ZFR: variants seen among roughly 807,000 people sequenced by gnomAD.
ZFR encodes the protein zinc finger RNA binding protein.
Under a neutral mutation model 130.7 loss-of-function variants are expected in ZFR, and 19 were observed. The observed-to-expected ratio is 0.15, with a 90% confidence interval of 0.10 to 0.21. The LOEUF is 0.21. ZFR is among the 10% of genes least tolerant of loss of function. ZFR has a pLI of 1.00. For synonymous variants in ZFR, 466 were observed against 456.9 expected, an observed-to-expected ratio of 1.02 and a Z score of -0.25; for missense variants, 872 against 1,321.5, an observed-to-expected ratio of 0.66 and a Z score of 5.27.
intron 9 of ZFR, among the ~76,000 whole-genome samples, chr5:32,398,659 A>G (rs960651164): frequency 6.6e-6 from 1 of 152,184 alleles, no homozygotes; most frequent in African/African-American, 2.4e-5. Context: ...TAAACAAAGA[A>G]TTCAATACAC....
chr5:32,376,305 A>C (rs932101737), intron 17 of ZFR, among the ~76,000 whole-genome samples: 12 of 152,210 alleles, frequency 7.9e-5, no homozygotes, highest in Admixed American at 1.3e-4. Flanking sequence ...TTAAATTTAC[A>C]TATACATATC....
intron 14 of ZFR, 110 bp downstream of exon 14, chr5:32,387,434 AAAGTC>A: frequency 7.9e-7 from 1 of 1,259,810 alleles, no homozygotes. Flanking sequence ...CTCAATACAG[AAAGTC>A]AAGCCAAAAT....
chr5:32,376,261 T>G lies in ZFR; in HGVS notation c.2835+2854A>C, dbSNP rs183691636. On this transcript the variant is annotated intron_variant, in intron 17 of 19. Transcript: ENST00000265069. ...CTCAGAAATAATCACTACTGTAAAT[T>G]AGAATATATCCTACCAAAAATTTTG... Among the ~76,000 whole-genome samples the G allele has an allele frequency of 1.8e-3, 273 of 152,298 alleles. 4 individuals carry two copies. In the East Asian group the frequency reaches 0.028, roughly 16 times the overall value.
Position 32,413,134 on chromosome 5 carries a change from A to G in ZFR, c.784+1835T>C, listed in dbSNP as rs915528723. On this transcript the variant is annotated intron_variant, in intron 5 of 19. Transcript: ENST00000265069. ...AACCCAAGAGGCAGAGGTTGCAGTG[A>G]GCCAAGCTGGTACCACTGCACTCCA... 2.5e-4 allele frequency among the ~76,000 whole-genome samples: 38 copies of G among 152,124 alleles called. 1 individual carries two copies. Among genetic ancestry groups the G allele is most frequent in the Admixed American group, 2.4e-3 (37 of 15,258 alleles).
chr5:32,357,352 G>A (rs1440506239), intron 19 of ZFR, among the ~76,000 whole-genome samples: 5 of 152,116 alleles, frequency 3.3e-5, no homozygotes, highest in Non-Finnish European at 5.9e-5. Flanking sequence ...TGCAACCTCC[G>A]CCTCTAGGGT....
intron 10 of ZFR, among the ~76,000 whole-genome samples, chr5:32,395,585 T>C (rs1169374704): frequency 2.6e-5 from 4 of 152,164 alleles, no homozygotes; most frequent in African/African-American, 2.4e-5. Flanking sequence ...ATTTGACCCT[T>C]GAACAACAGG....
At chr5:32,397,757 T>C (rs1342419638) in intron 9 of ZFR, among the ~76,000 whole-genome samples, 1 of 151,622 alleles carries the variant, frequency 6.6e-6, no homozygotes, top group Non-Finnish European at 1.5e-5. Context: ...GCCTGGCCTA[T>C]TACTTTTTAA....
At position 32,421,240 on chromosome 5, in the gene ZFR, A is replaced by G. The variant is rs537794428; in HGVS notation, c.138-1137T>C. Among the ~76,000 whole-genome samples, 66 of 152,314 alleles carry G rather than the reference A, an allele frequency of 4.3e-4. 1 individual carries two copies. Among genetic ancestry groups the G allele is most frequent in the African/African-American group, 1.5e-3 (64 of 41,582 alleles). On this transcript the variant is annotated intron_variant, in intron 2 of 19. Transcript: ENST00000265069. ...ACCTACTAAAAAAAGAAGAGCCCCA[A>G]CAGTTATTTAGCTGATAGGTTTTAG...
intron 17 of ZFR, among the ~76,000 whole-genome samples, chr5:32,366,659 A>C (rs182445154): frequency 9.8e-4 from 150 of 152,324 alleles, no homozygotes; most frequent in African/African-American, 3.3e-3. Flanking sequence ...AGCAATGAAA[A>C]TAGAAGAATA....
chr5:32,372,114 A>G (rs956811008), intron 17 of ZFR, among the ~76,000 whole-genome samples: 2 of 152,214 alleles, frequency 1.3e-5, no homozygotes, highest in Admixed American at 1.3e-4. Context: ...AGGAGAGTGT[A>G]GCCTACATTT....
At chr5:32,378,983 T>G in intron 17 of ZFR, 132 bp downstream of exon 17, 1 of 623,026 alleles carries the variant, frequency 1.6e-6, no homozygotes, top group Non-Finnish European at 2.7e-6. Flanking sequence ...TCCCCCAGGA[T>G]TTTTCATCAG....
intron 2 of ZFR, among the ~76,000 whole-genome samples, chr5:32,428,329 G>A (rs689109): frequency 1.9e-4 from 29 of 152,016 alleles, no homozygotes; most frequent in African/African-American, 7.0e-4. Context: ...CAGGAGAATC[G>A]CTTGAACCAA....
chr5:32,441,343 A>G (rs926787559), intron 2 of ZFR, among the ~76,000 whole-genome samples: 1 of 152,198 alleles, frequency 6.6e-6, no homozygotes, highest in East Asian at 1.9e-4. Flanking sequence ...AAGCAATTCA[A>G]TCACATCATT....
chr5:32,385,428 T>C, intron 15 of ZFR, 80 bp downstream of exon 15: 1 of 1,516,790 alleles, frequency 6.6e-7, no homozygotes, highest in Non-Finnish European at 8.9e-7. Flanking sequence ...TGTTGCCTTC[T>C]AGGGCTTAAT....
Position 32,401,334 on chromosome 5 carries a change from G to C in ZFR, c.1517-1131C>G, listed in dbSNP as rs565849168. Among the ~76,000 whole-genome samples the C allele has an allele frequency of 4.6e-5, 7 of 152,324 alleles. No individual in the cohort carries two copies. In the South Asian group the frequency reaches 1.2e-3, roughly 27 times the overall value. On this transcript the variant is annotated intron_variant, in intron 8 of 19. Transcript: ENST00000265069. Reference sequence around the variant, plus strand: ...AAATAACGATAATACAATGTGATAAGCACTATAAGAAGTATGGACTGAATA... The same window carrying C: ...AAATAACGATAATACAATGTGATAACCACTATAAGAAGTATGGACTGAATA...
chr5:32,429,411 C>T (rs1423175628), intron 2 of ZFR, among the ~76,000 whole-genome samples: 1 of 151,910 alleles, frequency 6.6e-6, no homozygotes, highest in Non-Finnish European at 1.5e-5. Context: ...AACCCTGTCT[C>T]CACTAAAAAA....
chr5:32,366,405 GTT>G (rs1752546286), intron 17 of ZFR, among the ~76,000 whole-genome samples: 1 of 152,164 alleles, frequency 6.6e-6, no homozygotes, highest in African/African-American at 2.4e-5. Flanking sequence ...TTCAAAATCT[GTT>G]TATTGATTGG....
At chr5:32,363,808 C>A in intron 19 of ZFR, 140 bp downstream of exon 19, 1 of 596,966 alleles carries the variant, frequency 1.7e-6, no homozygotes, top group South Asian at 4.5e-5. Context: ...ATTTTAATAT[C>A]CTTTCTAGGG....
chr5:32,431,977 GC>G (rs1209573012), intron 2 of ZFR, among the ~76,000 whole-genome samples: 5 of 151,188 alleles, frequency 3.3e-5, no homozygotes, highest in African/African-American at 4.9e-5. Flanking sequence ...ACGCATGTGT[GC>G]CAGCATGCCC....
Sources: allele counts gnomAD v4.1 joint callset (sites outside exome capture counted in the v4.1 genomes callset), GRCh38; gene constraint gnomAD v4.1.1; transcripts MANE v1.5; gene names NCBI Gene and HGNC (gene_info 2026-07-23, HGNC 2026-07-21).